SHANK2: variants seen among roughly 807,000 people sequenced by gnomAD.
SHANK2 encodes SH3 and multiple ankyrin repeat domains protein 2.
In SHANK2, 43 loss-of-function variants were observed where a neutral mutation model predicts 133.7. That is an observed-to-expected ratio of 0.32 (90% confidence interval 0.25 to 0.41). SHANK2 has a LOEUF of 0.41. Ranked by LOEUF, SHANK2 falls within the 10% of genes least tolerant of loss-of-function variation. The pLI, the probability that SHANK2 is intolerant of heterozygous loss-of-function variation, is 1.00. For missense variants in SHANK2, 1,994 were observed against 2,235.8 expected, an observed-to-expected ratio of 0.89 and a Z score of 2.18; for synonymous variants, 1,017 against 952.8, an observed-to-expected ratio of 1.07 and a Z score of -1.24.
chr11:70,873,264 C>T, intron 11 of SHANK2: 3 of 391,602 alleles, frequency 7.7e-6, no homozygotes, highest in Admixed American at 5.7e-5. Context: ...AAGGCATTAA[C>T]ATCCTCTGAC....
chr11:70,841,052 C>T (rs1353971905), intron 11 of SHANK2, among the ~76,000 whole-genome samples: 1 of 152,032 alleles, frequency 6.6e-6, no homozygotes, highest in Non-Finnish European at 1.5e-5. Context: ...TGCTTGAGGT[C>T]CAGAGTTCAA....
intron 1 of SHANK2, among the ~76,000 whole-genome samples, chr11:71,225,185 C>T (rs189846386): frequency 4.6e-5 from 7 of 152,288 alleles, no homozygotes; most frequent in South Asian, 2.1e-4. Context: ...ACTAGGAAAG[C>T]GGCAGCTAAC....
At chr11:70,927,496 C>A (rs782070407) in intron 10 of SHANK2, among the ~76,000 whole-genome samples, 6 of 151,810 alleles carry the variant, frequency 4.0e-5, no homozygotes, top group Admixed American at 1.3e-4. Context: ...AGAGGGCAGG[C>A]GAGTCAACAC....
At chr11:70,656,759 T>C (rs1311202731) in intron 17 of SHANK2, among the ~76,000 whole-genome samples, 1 of 152,318 alleles carries the variant, frequency 6.6e-6, no homozygotes, top group South Asian at 2.1e-4. Flanking sequence ...TCTATCTGTC[T>C]CATGAGACTC....
chr11:70,857,353 C>T (rs1005697728), intron 11 of SHANK2, among the ~76,000 whole-genome samples: 2 of 152,140 alleles, frequency 1.3e-5, no homozygotes, highest in African/African-American at 4.8e-5. Context: ...TACGGTGACC[C>T]GCTTTTCAAA....
intron 1 of SHANK2, among the ~76,000 whole-genome samples, chr11:71,230,492 C>T (rs970168635): frequency 6.6e-6 from 1 of 151,688 alleles, no homozygotes. Flanking sequence ...TGGCGTGAAC[C>T]CGGGAGGTGG....
At chr11:71,230,048 G>A (rs1591040727) in intron 1 of SHANK2, among the ~76,000 whole-genome samples, 1 of 152,162 alleles carries the variant, frequency 6.6e-6, no homozygotes, top group African/African-American at 2.4e-5. Flanking sequence ...AGCACTTTGA[G>A]AGGCCAAGGC....
intron 17 of SHANK2, among the ~76,000 whole-genome samples, chr11:70,589,988 C>A (rs1431775726): frequency 6.6e-6 from 1 of 152,156 alleles, no homozygotes. Flanking sequence ...CCCGTCTCTA[C>A]TAAAAATACA....
In SHANK2 at chr11:70,487,293, G is replaced by A; in HGVS notation, c.3000C>T (p.Val1000=). ...GCCTGGCGGGCTTGGCGGGGACGTA[G>A]ACGGCTTTGCTGGCGATCTTCCCCA... ...SEVGKIASKA[V]YVPAKPARRK... is the part of the protein sequence containing the mutation. Residue 1000 remains valine (V), a synonymous_variant, in exon 25 of 26, where the codon GTC becomes GTT. Coordinates refer to ENST00000601538, the MANE Select transcript of SHANK2 (RefSeq NM_012309.5). The surrounding 1 kb of genome is among the most constrained non-coding windows in gnomAD (Gnocchi z 5.8). 6.2e-7 allele frequency: 1 copy of A among 1,614,200 alleles called. No individual in the cohort carries two copies. Among genetic ancestry groups the A allele is most frequent in the Non-Finnish European group, 8.5e-7 (1 of 1,180,038 alleles).
intron 9 of SHANK2, among the ~76,000 whole-genome samples, chr11:71,067,702 C>T (rs1265853203): frequency 1.3e-5 from 2 of 152,094 alleles, no homozygotes; most frequent in Non-Finnish European, 2.9e-5. Flanking sequence ...TCATCATCAT[C>T]ATCACCAGCC....
intron 17 of SHANK2, among the ~76,000 whole-genome samples, chr11:70,550,784 C>T (rs934489669): frequency 1.3e-5 from 2 of 152,164 alleles, no homozygotes; most frequent in South Asian, 2.1e-4. Context: ...AGGCAGTCAG[C>T]GGGTGAATCT....
intron 17 of SHANK2, among the ~76,000 whole-genome samples, chr11:70,622,212 C>A (rs1346973060): frequency 3.3e-5 from 5 of 152,184 alleles, no homozygotes; most frequent in Non-Finnish European, 7.4e-5. Flanking sequence ...CAATCCAACA[C>A]AGCACCGCAA....
At chr11:70,827,900 C>A (rs1948670036) in intron 11 of SHANK2, among the ~76,000 whole-genome samples, 1 of 152,136 alleles carries the variant, frequency 6.6e-6, no homozygotes, top group Non-Finnish European at 1.5e-5. Flanking sequence ...CTGCGGCATG[C>A]CTCGGTGAGG....
chr11:70,499,947 G>C (rs933202363), intron 21 of SHANK2, among the ~76,000 whole-genome samples: 4 of 152,214 alleles, frequency 2.6e-5, no homozygotes, highest in Admixed American at 1.3e-4. Flanking sequence ...TGTTGGGGGA[G>C]CTGTGTCCAG....
chr11:70,593,806 C>T (rs2060361429), intron 17 of SHANK2, among the ~76,000 whole-genome samples: 1 of 152,208 alleles, frequency 6.6e-6, no homozygotes, highest in South Asian at 2.1e-4. Context: ...GGGACCTATG[C>T]AACTGTTATC....
chr11:71,194,064 G>C (rs763500426), intron 2 of SHANK2, among the ~76,000 whole-genome samples: 1 of 152,140 alleles, frequency 6.6e-6, no homozygotes, highest in African/African-American at 2.4e-5. Context: ...GAGCAAGATC[G>C]TTCCCATTTT....
chr11:70,681,541 G>A lies in SHANK2; in HGVS notation c.1853+17147C>T, dbSNP rs573972379. ...ATGCCCAGAAATGGGACCCACCAGCGGCACTGCCTCAGCCACCCTGGACTG... is the reference window on the plus strand; with the variant it reads ...ATGCCCAGAAATGGGACCCACCAGCAGCACTGCCTCAGCCACCCTGGACTG... On this transcript the variant is annotated intron_variant, in intron 15 of 25. Transcript: ENST00000601538. Among the ~76,000 whole-genome samples, 7 of 152,092 alleles carry A rather than the reference G, an allele frequency of 4.6e-5. No homozygotes were observed. In the South Asian group the frequency reaches 1.2e-3, roughly 27 times the overall value.
intron 14 of SHANK2, among the ~76,000 whole-genome samples, chr11:70,764,414 T>A (rs1947071837): frequency 6.8e-6 from 1 of 146,028 alleles, no homozygotes; most frequent in Non-Finnish European, 1.5e-5. Context: ...CACGCACCCA[T>A]CCATCCACCC....
At chr11:70,665,795 T>C (rs10899361) in intron 15 of SHANK2, among the ~76,000 whole-genome samples, 64,034 of 152,100 alleles carry the variant, frequency 0.42, 15,089 homozygotes, top group Non-Finnish European at 0.55. Flanking sequence ...CAGTGAATGC[T>C]CCATGAGCAG....
Sources: gnomAD v4.1 joint callset for allele counts (sites outside exome capture counted in the v4.1 genomes callset) on GRCh38, gnomAD v4.1.1 for gene constraint, Gnocchi (gnomAD v3.1) non-coding constraint, MANE v1.5 for transcripts, NCBI Gene and HGNC (gene_info 2026-07-23, HGNC 2026-07-21) for gene names.